The following SPTLC1 variants were observed in gnomAD, a reference collection of about 807,000 sequenced individuals.
SPTLC1 encodes the protein serine palmitoyltransferase 1.
Under a neutral mutation model 68.9 loss-of-function variants are expected in SPTLC1, and 55 were observed. The ratio of observed to expected loss-of-function variants is 0.80; its 90% CI spans 0.64 to 1.00. The LOEUF (loss-of-function observed/expected upper bound fraction) is 1.00, where lower values mean the gene tolerates loss of function less well. SPTLC1 is among the 50% of genes least tolerant of loss of function. The pLI is 0.00. For missense variants in SPTLC1, 449 were observed against 573.1 expected (o/e 0.78, Z 2.21); for synonymous variants, 197 against 201.6 (o/e 0.98, Z 0.19).
chr9:92,088,249 C>G (rs538613929), intron 3 of SPTLC1, among the ~76,000 whole-genome samples: 1 of 152,390 alleles, frequency 6.6e-6, no homozygotes, highest in Admixed American at 6.5e-5. Context: ...GTGCGCTGCA[C>G]CCACTGTCCT....
chr9:92,105,068 C>G (rs1446086133), intron 3 of SPTLC1: 5 of 1,531,842 alleles, frequency 3.3e-6, no homozygotes, highest in Non-Finnish European at 4.4e-6. Flanking sequence ...GCCCAGCTCT[C>G]CAGGCTTGCT....
chr9:92,102,488 T>C (rs780291971), intron 3 of SPTLC1, among the ~76,000 whole-genome samples: 1 of 152,232 alleles, frequency 6.6e-6, no homozygotes, highest in East Asian at 1.9e-4. Flanking sequence ...AAACACCCAA[T>C]ACAGAACAAT....
At chr9:92,057,014 G>A (rs141019283) in intron 7 of SPTLC1, among the ~76,000 whole-genome samples, 86 of 152,256 alleles carry the variant, frequency 5.6e-4, no homozygotes, top group African/African-American at 1.8e-3. Flanking sequence ...AGGATTCTTG[G>A]GAAATGGAAA....
At chr9:92,082,112 T>C (rs1026293663) in intron 3 of SPTLC1, among the ~76,000 whole-genome samples, 1 of 152,152 alleles carries the variant, frequency 6.6e-6, no homozygotes, top group African/African-American at 2.4e-5. Context: ...AGTTTCTTCA[T>C]CATTAAAGTA....
At chr9:92,044,540 T>C (rs1833447295) in intron 12 of SPTLC1, among the ~76,000 whole-genome samples, 1 of 152,162 alleles carries the variant, frequency 6.6e-6, no homozygotes, top group Admixed American at 6.5e-5. Context: ...GTGGAGATGA[T>C]AGCTACTGAG....
chr9:92,106,663 TCA>T (rs1836004675), intron 3 of SPTLC1, among the ~76,000 whole-genome samples: 3 of 152,014 alleles, frequency 2.0e-5, no homozygotes, highest in Non-Finnish European at 4.4e-5. Flanking sequence ...CCACCTTCTC[TCA>T]CACCAAGAAT....
chr9:92,073,402 G>C (rs1834567648), intron 5 of SPTLC1, among the ~76,000 whole-genome samples: 1 of 152,198 alleles, frequency 6.6e-6, no homozygotes, highest in African/African-American at 2.4e-5. Context: ...GGCCCCAAAG[G>C]ACCTACCAGG....
chr9:92,064,646 A>G (rs1430117053), intron 6 of SPTLC1, among the ~76,000 whole-genome samples: 2 of 152,234 alleles, frequency 1.3e-5, no homozygotes, highest in Admixed American at 1.3e-4. Flanking sequence ...ACATAGCATG[A>G]ATGTACATGA....
intron 3 of SPTLC1, among the ~76,000 whole-genome samples, chr9:92,092,109 T>G (rs1835383532): frequency 6.6e-6 from 1 of 152,218 alleles, no homozygotes; most frequent in South Asian, 2.1e-4. Context: ...AGAAAACGGC[T>G]AAGACTGTCA....
At chr9:92,106,054 G>T (rs1835967908) in intron 3 of SPTLC1, among the ~76,000 whole-genome samples, 1 of 150,226 alleles carries the variant, frequency 6.7e-6, no homozygotes, top group South Asian at 2.1e-4. Flanking sequence ...CTCACCGTTT[G>T]TAAGGGAGGA....
intron 5 of SPTLC1, chr9:92,079,629 C>T: frequency 7.1e-7 from 1 of 1,411,388 alleles, no homozygotes; most frequent in Non-Finnish European, 1.0e-6. Context: ...ATCTGCTCTC[C>T]ACTTTCTTCC....
chr9:92,080,163 A>AC, intron 4 of SPTLC1, 75 bp from the exon 5 acceptor site: 1 of 1,253,288 alleles, frequency 8.0e-7, no homozygotes, highest in African/African-American at 1.5e-5. Context: ...CTATTCTTTA[A>AC]CCCACAGAGC....
intron 3 of SPTLC1, among the ~76,000 whole-genome samples, chr9:92,087,640 T>G (rs999033744): frequency 6.6e-5 from 10 of 152,178 alleles, no homozygotes; most frequent in Non-Finnish European, 1.0e-4. Flanking sequence ...GTGTGAGGTG[T>G]CAGTCTGCCC....
At chr9:92,057,717 T>C (rs991015590) in intron 7 of SPTLC1, among the ~76,000 whole-genome samples, 1 of 152,080 alleles carries the variant, frequency 6.6e-6, no homozygotes, top group East Asian at 1.9e-4. Context: ...AAAGAAAACA[T>C]TCAAAGTGTT....
chr9:92,083,915 C>A (rs867283987), intron 3 of SPTLC1, among the ~76,000 whole-genome samples: 17 of 152,054 alleles, frequency 1.1e-4, no homozygotes, highest in African/African-American at 2.2e-4. Flanking sequence ...CTTTTATTTC[C>A]TTGAGCAGTG....
At chr9:92,105,035 A>C in intron 3 of SPTLC1, 1 of 1,527,672 alleles carries the variant, frequency 6.5e-7, no homozygotes, top group African/African-American at 1.4e-5. Context: ...GGCGGCCTTG[A>C]AGGTGCTGGG....
intron 14 of SPTLC1, among the ~76,000 whole-genome samples, 161 bp downstream of exon 14, chr9:92,034,649 A>C (rs1368912007): frequency 6.6e-6 from 1 of 152,172 alleles, no homozygotes; most frequent in African/African-American, 2.4e-5. Context: ...AATTTTAGAA[A>C]CTTCTAGTTT....
rs1833948231 is a variant in SPTLC1 at position 92,057,810 on chromosome 9, C to T, written c.690+1369G>A. 2.0e-5 allele frequency among the ~76,000 whole-genome samples: 3 copies of T among 152,102 alleles called. No homozygotes were observed. The South Asian group carries it at 6.2e-4, about 32-fold the overall frequency. ...AATGTAGAGTTACTTAGAAAGCCTG[C>T]TCTCAGCAAGAAAAATATAAATTAG... is the stretch of plus-strand genomic sequence containing the variant. On this transcript the variant is annotated intron_variant, in intron 7 of 14. Transcript: ENST00000262554.
chr9:92,056,223 G>A (rs956195322), intron 7 of SPTLC1, among the ~76,000 whole-genome samples: 4 of 152,108 alleles, frequency 2.6e-5, no homozygotes, highest in African/African-American at 9.7e-5. Context: ...AGGTGGTGGG[G>A]TAGAGAGGTC....
Sources: gnomAD v4.1 joint callset for allele counts (sites outside exome capture counted in the v4.1 genomes callset) on GRCh38, gnomAD v4.1.1 for gene constraint, MANE v1.5 for transcripts, NCBI Gene and HGNC (gene_info 2026-07-23, HGNC 2026-07-21) for gene names.